Variants in RTN3 observed in about 807,000 individuals in gnomAD.
RTN3 encodes reticulon 3, also known as reticulon-3.
In RTN3, 49 loss-of-function variants were observed where a neutral mutation model predicts 77.8. The ratio of observed to expected loss-of-function variants is 0.63; its 90% confidence interval spans 0.50 to 0.80. RTN3 has a LOEUF of 0.80. Ranked by LOEUF, RTN3 falls within the 30% of genes least tolerant of loss-of-function variation. RTN3 has a pLI of 0.00. For missense variants in RTN3, 1,236 were observed against 1,211.9 expected (o/e 1.02, Z -0.29); for synonymous variants, 464 against 446.9 (o/e 1.04, Z -0.48).
At chr11:63,713,906 C>CA in intron 2 of RTN3, 1 of 437,590 alleles carries the variant, frequency 2.3e-6, no homozygotes, top group African/African-American at 2.0e-5. Flanking sequence ...GACAGCTTTA[C>CA]AGTGTATAGT....
chr11:63,749,936 A>G (rs1466276314), intron 3 of RTN3, 55 bp from the exon 4 acceptor site: 2 of 1,277,982 alleles, frequency 1.6e-6, no homozygotes, highest in Non-Finnish European at 2.3e-6. Context: ...CAGGTATGCA[A>G]GACATAGTAG....
chr11:63,746,873 A>G (rs1308439369), intron 3 of RTN3: 34 of 423,008 alleles, frequency 8.0e-5, no homozygotes, highest in Middle Eastern at 6.9e-4. Flanking sequence ...ACTTTTGTCA[A>G]TTATATAGTA....
chr11:63,692,197 A>G (rs562490974), intron 1 of RTN3, among the ~76,000 whole-genome samples: 1 of 151,980 alleles, frequency 6.6e-6, no homozygotes, highest in East Asian at 1.9e-4. Flanking sequence ...TGATTTTTGT[A>G]TTGTTAGTAG....
intron 2 of RTN3, among the ~76,000 whole-genome samples, chr11:63,708,341 TAAAAAA>T (rs575021188): frequency 6.7e-6 from 1 of 149,650 alleles, no homozygotes; most frequent in Non-Finnish European, 1.5e-5. Context: ...TAATAGGACT[TAAAAAA>T]AAAATAGAGA....
intron 1 of RTN3, among the ~76,000 whole-genome samples, chr11:63,690,312 C>T (rs960936141): frequency 3.3e-5 from 5 of 152,144 alleles, no homozygotes; most frequent in African/African-American, 9.7e-5. Flanking sequence ...TTGATTTTCA[C>T]GATATCTTAC....
chr11:63,692,002 C>G (rs369288887), intron 1 of RTN3, among the ~76,000 whole-genome samples: 34 of 152,206 alleles, frequency 2.2e-4, no homozygotes, highest in Middle Eastern at 3.4e-3. Context: ...AATATCTGGC[C>G]TCAACCTCCC....
chr11:63,743,378 C>G (rs1425476219), intron 3 of RTN3, among the ~76,000 whole-genome samples: 1 of 152,132 alleles, frequency 6.6e-6, no homozygotes, highest in Non-Finnish European at 1.5e-5. Flanking sequence ...ATTTTAAAAT[C>G]AGGAATGAAT....
In RTN3 at chr11:63,683,943, C is replaced by CTT. The variant is rs35837590; in HGVS notation, c.142+2193_142+2194dup. On this transcript the variant is annotated intron_variant, in intron 1 of 8. Transcript: ENST00000377819. ...TATTTCTTTCTCTTTTCTTTTCTTT[C>CTT]TTTTTTTTTTTTTTTTTTTTTTTTT... 5.1e-3 allele frequency among the ~76,000 whole-genome samples: 301 copies of CTT among 58,948 alleles called. 48 individuals are homozygous for CTT. The highest frequency in any genetic ancestry group is 0.011 in the African/African-American group (153 of 13,352). 38.7% of individuals were successfully genotyped at this position (58,948 alleles called of 152,430 possible).
At chr11:63,703,099 T>A (rs576611135) in intron 1 of RTN3, among the ~76,000 whole-genome samples, 1 of 152,122 alleles carries the variant, frequency 6.6e-6, no homozygotes, top group Non-Finnish European at 1.5e-5. Flanking sequence ...CCAAAAATAT[T>A]TTTTTAAAAA....
At chr11:63,684,271 C>T (rs974323042) in intron 1 of RTN3, among the ~76,000 whole-genome samples, 20 of 151,062 alleles carry the variant, frequency 1.3e-4, no homozygotes, top group Admixed American at 4.0e-4. Flanking sequence ...GCCTCAGCTT[C>T]CCAGTAGCTG....
At chr11:63,701,530 A>G (rs529769072) in intron 1 of RTN3, among the ~76,000 whole-genome samples, 43 of 152,298 alleles carry the variant, frequency 2.8e-4, no homozygotes, top group African/African-American at 9.6e-4. Flanking sequence ...TATAGGGAGC[A>G]AAGTGCCGGA....
Position 63,750,194 on chromosome 11 carries a change from T to A in RTN3, c.2734T>A (p.Phe912Ile). ...ACAGAAGTCAGAAGAAGGCCATCCA[T>A]TCAAGTGAGTTGAAGTCTTAAAAGC... ...AVQKSEEGHP[F>I]KAYLDVDITL... The change falls in exon 4 of 9, where the codon TTC becomes ATC. Residue 912 changes from phenylalanine (F) to isoleucine (I), a missense_variant. By Grantham distance (21) the Phe-to-Ile change is conservative. Transcript: ENST00000377819. 1 of 1,610,480 alleles carries A rather than the reference T, an allele frequency of 6.2e-7. No individual in the cohort carries two copies. The highest frequency in any genetic ancestry group is 8.5e-7 in the Non-Finnish European group (1 of 1,177,862).
chr11:63,734,781 A>ACACACACACACCCC lies in RTN3; in HGVS notation c.2530+13750_2530+13751insACACACACACCCCC, dbSNP rs778043704. On this transcript the variant is annotated intron_variant, in intron 3 of 8. Transcript: ENST00000377819. ...CACACACACACACACACACACACAC[A>ACACACACACACCCC]CCATACTGGAGGTCCTAGCCACTGA... Among the ~76,000 whole-genome samples, 4 of 105,062 alleles carry ACACACACACACCCC rather than the reference A, an allele frequency of 3.8e-5. No individual in the cohort carries two copies. In the East Asian group the frequency reaches 7.7e-4, roughly 20 times the overall value. The allele number at this position is 105,062 out of a possible 152,430, so 68.9% of individuals were successfully genotyped here. A position where few individuals can be genotyped will look rare whatever the true frequency, so the allele number is the denominator to read the frequency against.
chr11:63,700,776 C>T (rs1032259353), intron 1 of RTN3, among the ~76,000 whole-genome samples: 4 of 151,928 alleles, frequency 2.6e-5, no homozygotes, highest in African/African-American at 9.7e-5. Context: ...TGATCTTCTT[C>T]ATTGGTCACT....
chr11:63,740,588 C>T (rs976148390), intron 3 of RTN3, among the ~76,000 whole-genome samples: 10 of 151,376 alleles, frequency 6.6e-5, no homozygotes, highest in Admixed American at 4.0e-4. Flanking sequence ...TGAGCCACCG[C>T]GCCTGGCCTT....
chr11:63,755,564 T>C (rs899043807), intron 7 of RTN3, among the ~76,000 whole-genome samples: 1 of 147,330 alleles, frequency 6.8e-6, no homozygotes, highest in Non-Finnish European at 1.5e-5. Flanking sequence ...GGCAGGAGAA[T>C]TGCTTAAACC....
intron 3 of RTN3, among the ~76,000 whole-genome samples, chr11:63,723,004 A>G (rs1266126395): frequency 1.3e-5 from 2 of 152,246 alleles, no homozygotes; most frequent in African/African-American, 4.8e-5. Flanking sequence ...TTAGATGACT[A>G]GTCTAATTGG....
At chr11:63,716,968 C>CAAAAAAA (rs752428943) in intron 2 of RTN3, among the ~76,000 whole-genome samples, 9 of 27,162 alleles carry the variant, frequency 3.3e-4, no homozygotes, top group East Asian at 1.2e-3. Context: ...GACTCCGTCT[C>CAAAAAAA]AAAAAAAAAA....
chr11:63,706,100 TGG>T (rs1013614053), intron 2 of RTN3, among the ~76,000 whole-genome samples: 22 of 152,292 alleles, frequency 1.4e-4, no homozygotes, highest in African/African-American at 4.3e-4. Context: ...AAAAACATAA[TGG>T]GATTTAAAAA....
Sources: gnomAD v4.1 joint callset for allele counts (sites outside exome capture counted in the v4.1 genomes callset) on GRCh38, gnomAD v4.1.1 for gene constraint, MANE v1.5 for transcripts, NCBI Gene and HGNC (gene_info 2026-07-23, HGNC 2026-07-21) for gene names.